THSD4: variants seen among roughly 807,000 people sequenced by gnomAD.
THSD4 encodes thrombospondin type 1 domain containing 4, also known as thrombospondin type-1 domain-containing protein 4.
In THSD4, 69 loss-of-function variants were observed where a neutral mutation model predicts 119.0. The observed-to-expected ratio is 0.58, with a 90% CI of 0.48 to 0.71. The LOEUF is 0.71. Among genes scored for constraint, THSD4 ranks in the 30% least tolerant of loss-of-function variants. THSD4 has a pLI of 0.00. For missense variants in THSD4, 1,393 were observed against 1,391.1 expected, an observed-to-expected ratio of 1.00 and a Z score of -0.02; for synonymous variants, 524 against 540.4, an observed-to-expected ratio of 0.97 and a Z score of 0.42.
chr15:71,412,646 C>G (rs1051572044), intron 7 of THSD4, among the ~76,000 whole-genome samples: 3 of 152,126 alleles, frequency 2.0e-5, no homozygotes, highest in South Asian at 2.1e-4. Context: ...TTGGCTATGA[C>G]ACCTGGAAGT....
intron 6 of THSD4, among the ~76,000 whole-genome samples, chr15:71,388,194 A>G (rs2046318195): frequency 6.6e-6 from 1 of 152,198 alleles, no homozygotes; most frequent in South Asian, 2.1e-4. Flanking sequence ...TTGCGTTTTT[A>G]ACACTCTTGA....
intron 7 of THSD4, among the ~76,000 whole-genome samples, chr15:71,494,181 C>G (rs1051545849): frequency 1.3e-5 from 2 of 152,164 alleles, no homozygotes; most frequent in African/African-American, 4.8e-5. Flanking sequence ...TTAGGAAGAA[C>G]TATTTTTCCA....
At chr15:71,381,766 T>A (rs2046232172) in intron 6 of THSD4, among the ~76,000 whole-genome samples, 1 of 152,214 alleles carries the variant, frequency 6.6e-6, no homozygotes. Flanking sequence ...CCGTATTAGA[T>A]TTTTAGTAAT....
intron 3 of THSD4, among the ~76,000 whole-genome samples, chr15:71,208,092 A>G (rs1311454411): frequency 1.3e-5 from 2 of 152,168 alleles, no homozygotes; most frequent in Non-Finnish European, 2.9e-5. Flanking sequence ...CTGCTGGTCA[A>G]TTTGCTGGAA....
chr15:71,498,079 A>G (rs1219381916), intron 7 of THSD4, among the ~76,000 whole-genome samples: 1 of 152,238 alleles, frequency 6.6e-6, no homozygotes, highest in African/African-American at 2.4e-5. Context: ...CGTTGGTGAT[A>G]GAAATCGAAT....
chr15:71,232,607 C>T (rs998593288), intron 4 of THSD4, among the ~76,000 whole-genome samples: 3 of 151,754 alleles, frequency 2.0e-5, no homozygotes, highest in African/African-American at 2.4e-5. Flanking sequence ...GGAGTCTTGC[C>T]GCACAAGAGC....
rs74898270 is a variant in THSD4 at position 71,506,132 on chromosome 15, G to T, written c.1152+94309G>T. Among the ~76,000 whole-genome samples, 104 of 152,306 alleles carry T rather than the reference G, an allele frequency of 6.8e-4. 2 individuals are homozygous for T. The East Asian group carries it at 0.018, about 27-fold the overall frequency. On this transcript the variant is annotated intron_variant, in intron 7 of 17. Coordinates refer to ENST00000261862, the MANE Select transcript of THSD4 (RefSeq NM_024817.3). ...ATGGTGTCAGGAGTGGTCCTTGCCCGTAAGGAGTTTATGGTCTGCTGAGTT... is the reference window on the plus strand; with the variant it reads ...ATGGTGTCAGGAGTGGTCCTTGCCCTTAAGGAGTTTATGGTCTGCTGAGTT...
At position 71,215,042 on chromosome 15, in the gene THSD4, A is replaced by C; in HGVS notation, c.107A>C (p.Gln36Pro). 7.8e-7 allele frequency: 1 copy of C among 1,288,800 alleles called. No individual in the cohort carries two copies. The highest frequency in any genetic ancestry group is 9.9e-7 in the Non-Finnish European group (1 of 1,013,412). The allele number at this position is 1,288,800 out of a possible 1,614,324, so 79.8% of individuals were successfully genotyped here. A position where few individuals can be genotyped will look rare whatever the true frequency, so the allele number is the denominator to read the frequency against. ...CTGCCTCTGTCTCCGCAGGTCCCGC[A>C]GCGGATGGCGGCGGAGGGCGCCCCC... Reference protein sequence around the residue: ...QPSTQHRKVPQRMAAEGAPED... With the variant: ...QPSTQHRKVPPRMAAEGAPED... Residue 36 changes from glutamine (Q) to proline (P), a missense_variant, in exon 4 of 18, where the codon CAG becomes CCG. Coordinates refer to ENST00000261862, the MANE Select transcript of THSD4 (RefSeq NM_024817.3).
chr15:71,697,095 G>A (rs1197899029), intron 8 of THSD4, among the ~76,000 whole-genome samples: 1 of 152,206 alleles, frequency 6.6e-6, no homozygotes, highest in Non-Finnish European at 1.5e-5. Context: ...AGGAGCAAAA[G>A]GGGATGATTC....
rs2045885406 is a variant in THSD4, at chr15:71,360,923, C to T, written c.1016-50764C>T. Reference sequence around the variant, plus strand: ...TTTAATGGAAGTTTGCATATGATCCCATTGAAGCATAGTAGAGAGGTATAC... The same window carrying T: ...TTTAATGGAAGTTTGCATATGATCCTATTGAAGCATAGTAGAGAGGTATAC... On this transcript the variant is annotated intron_variant, in intron 6 of 17. Coordinates refer to ENST00000261862, the MANE Select transcript of THSD4 (RefSeq NM_024817.3). 2.0e-5 allele frequency among the ~76,000 whole-genome samples: 3 copies of T among 152,130 alleles called. No individual in the cohort carries two copies. The South Asian group carries it at 6.2e-4, about 32-fold the overall frequency.
At position 71,395,665 on chromosome 15, in the gene THSD4, C is replaced by T. The variant is rs534060686; in HGVS notation, c.1016-16022C>T. On this transcript the variant is annotated intron_variant, in intron 6 of 17. Coordinates refer to ENST00000261862, the MANE Select transcript of THSD4 (RefSeq NM_024817.3). ...CTGAGGCAGGAGAATCGCTTGAACC[C>T]GGGAGGCAGAGGCTGCCAGTGAACT... Among the ~76,000 whole-genome samples the T allele has an allele frequency of 1.5e-3, 230 of 152,076 alleles. 1 individual carries two copies. Among genetic ancestry groups the T allele is most frequent in the African/African-American group, 4.9e-3 (202 of 41,448 alleles).
intron 1 of THSD4, among the ~76,000 whole-genome samples, chr15:71,100,008 G>A (rs2040247658): frequency 6.6e-6 from 1 of 152,200 alleles, no homozygotes; most frequent in African/African-American, 2.4e-5. Context: ...ACATAATAAA[G>A]TGAGTTTCTC....
chr15:71,645,054 C>T (rs182896811), intron 7 of THSD4, among the ~76,000 whole-genome samples: 68 of 152,216 alleles, frequency 4.5e-4, no homozygotes, highest in East Asian at 3.9e-4. Context: ...ACAAGTCGAA[C>T]AGTGATTTCC....
chr15:71,406,643 G>GGT (rs56347233), intron 6 of THSD4, among the ~76,000 whole-genome samples: 7,595 of 126,050 alleles, frequency 0.06, 203 homozygotes, highest in South Asian at 0.07. Context: ...AGGTTTGTTT[G>GGT]GTGTGTGTGT....
At chr15:71,647,521 T>A (rs1595824820) in intron 7 of THSD4, among the ~76,000 whole-genome samples, 1 of 152,346 alleles carries the variant, frequency 6.6e-6, no homozygotes, top group East Asian at 1.9e-4. Flanking sequence ...TATCTATGGT[T>A]AGAAGAGAGA....
At chr15:71,615,018 A>C (rs2050297358) in intron 7 of THSD4, among the ~76,000 whole-genome samples, 1 of 152,218 alleles carries the variant, frequency 6.6e-6, no homozygotes, top group Non-Finnish European at 1.5e-5. Flanking sequence ...CTCTCTATCA[A>C]ACTACTGCCC....
At chr15:71,706,905 A>G (rs2052403516) in intron 8 of THSD4, among the ~76,000 whole-genome samples, 1 of 152,148 alleles carries the variant, frequency 6.6e-6, no homozygotes, top group Admixed American at 6.5e-5. Flanking sequence ...TTCCTTTTTA[A>G]GGCTAGGATA....
rs1555431559 is a variant in THSD4 at position 71,608,237 on chromosome 15, A to AATAT, written c.1153-52283_1153-52280dup. Among the ~76,000 whole-genome samples, 38 of 111,596 alleles carry AATAT rather than the reference A, an allele frequency of 3.4e-4. No homozygotes were observed. The South Asian group carries it at 5.2e-3, about 15-fold the overall frequency. The allele number at this position is 111,596 out of a possible 152,430, so 73.2% of individuals were successfully genotyped here. ...AACTCTGTCTCAAAAAAAAAAAAAA[A>AATAT]ATATATATATATACACACACACACA... On this transcript the variant is annotated intron_variant, in intron 7 of 17. Coordinates refer to ENST00000261862, the MANE Select transcript of THSD4 (RefSeq NM_024817.3).
At chr15:71,338,044 C>T (rs1026728122) in intron 6 of THSD4, among the ~76,000 whole-genome samples, 1 of 152,108 alleles carries the variant, frequency 6.6e-6, no homozygotes. Context: ...TATTTTTCTT[C>T]CCTGTTCTAT....
Sources: allele counts gnomAD v4.1 joint callset (sites outside exome capture counted in the v4.1 genomes callset), GRCh38; gene constraint gnomAD v4.1.1; transcripts MANE v1.5; gene names NCBI Gene and HGNC (gene_info 2026-07-23, HGNC 2026-07-21).